KAZN: variants seen among roughly 807,000 people sequenced by gnomAD.
KAZN encodes kazrin, periplakin interacting protein.
A neutral mutation model predicts 87.4 loss-of-function variants in KAZN; 40 were observed. The observed-to-expected ratio is 0.46, with a 90% CI of 0.36 to 0.60. The LOEUF (loss-of-function observed/expected upper bound fraction) is 0.60, where lower values mean the gene tolerates loss of function less well. KAZN is among the 20% of genes least tolerant of loss of function. The pLI, the probability that KAZN is intolerant of heterozygous loss-of-function variation, is 0.00. For missense variants in KAZN, 898 were observed against 1,073.9 expected (o/e 0.84, Z 2.29); for synonymous variants, 466 against 458.3 (o/e 1.02, Z -0.22).
intron 2 of KAZN, among the ~76,000 whole-genome samples, chr1:14,306,709 A>G (rs914389077): frequency 9.9e-5 from 15 of 152,134 alleles, no homozygotes; most frequent in African/African-American, 3.6e-4. Flanking sequence ...TGAGCAGCCA[A>G]TCGCAGACCA....
intron 2 of KAZN, among the ~76,000 whole-genome samples, chr1:15,005,829 TG>T (rs1196045905): frequency 6.6e-6 from 1 of 151,922 alleles, no homozygotes; most frequent in East Asian, 1.9e-4. Flanking sequence ...AGGGCATTAG[TG>T]TTGGCATCTC....
chr1:13,973,440 T>G (rs1460005622), intron 1 of KAZN, among the ~76,000 whole-genome samples: 4 of 152,070 alleles, frequency 2.6e-5, no homozygotes, highest in African/African-American at 7.2e-5. Context: ...CAGAAGAGAG[T>G]GAGGTCAGAA....
intron 1 of KAZN, among the ~76,000 whole-genome samples, chr1:14,118,452 C>T (rs752605784): frequency 7.9e-5 from 12 of 152,166 alleles, no homozygotes; most frequent in Non-Finnish European, 1.6e-4. Context: ...CTGCATCCAA[C>T]TCTTTTACTT....
At chr1:14,460,370 C>G (rs546767536) in intron 2 of KAZN, among the ~76,000 whole-genome samples, 296 of 152,194 alleles carry the variant, frequency 1.9e-3, no homozygotes, top group Non-Finnish European at 2.6e-3. Context: ...CTGGCAGGCC[C>G]TACACACAGC....
chr1:15,043,522 GTC>G (rs953098577), intron 3 of KAZN, among the ~76,000 whole-genome samples: 7 of 151,786 alleles, frequency 4.6e-5, no homozygotes, highest in African/African-American at 1.7e-4. Flanking sequence ...TACTGGGTTC[GTC>G]TCTGTTCCAG....
intron 1 of KAZN, among the ~76,000 whole-genome samples, chr1:14,942,473 C>T (rs527564771): frequency 6.6e-6 from 1 of 152,346 alleles, no homozygotes; most frequent in Non-Finnish European, 1.5e-5. Flanking sequence ...AACGTTAACA[C>T]GCAGTGTTTC....
chr1:14,124,747 G>A (rs760078626), intron 1 of KAZN, among the ~76,000 whole-genome samples: 3 of 152,162 alleles, frequency 2.0e-5, no homozygotes, highest in African/African-American at 4.8e-5. Context: ...GCCCTCTTGC[G>A]GAATACTCAC....
intron 1 of KAZN, among the ~76,000 whole-genome samples, chr1:14,638,568 CAAAAAAAAAACAAA>C (rs1350761658): frequency 6.0e-5 from 3 of 50,226 alleles, no homozygotes; most frequent in East Asian, 4.9e-4. Flanking sequence ...GACTCCGTCT[CAAAAAAAAAACAAA>C]AAAAAAAAAA....
At chr1:13,960,711 C>A (rs960747086) in intron 1 of KAZN, among the ~76,000 whole-genome samples, 21 of 152,146 alleles carry the variant, frequency 1.4e-4, no homozygotes, top group Non-Finnish European at 2.6e-4. Flanking sequence ...TCCCAGGACA[C>A]GAGGAAGGAT....
intron 2 of KAZN, among the ~76,000 whole-genome samples, chr1:14,971,246 A>G (rs1664993824): frequency 6.6e-6 from 1 of 152,166 alleles, no homozygotes; most frequent in Non-Finnish European, 1.5e-5. Context: ...AAAAATACGA[A>G]AATTAGCCAG....
chr1:15,011,320 G>A (rs1280612040), intron 2 of KAZN, among the ~76,000 whole-genome samples: 1 of 152,214 alleles, frequency 6.6e-6, no homozygotes, highest in Admixed American at 6.5e-5. Context: ...GCTCCTGGCT[G>A]GATTGAATAA....
intron 4 of KAZN, among the ~76,000 whole-genome samples, chr1:15,046,542 G>A (rs10754879): frequency 0.45 from 68,255 of 152,004 alleles, 16,384 homozygotes; most frequent in Non-Finnish European, 0.53. Flanking sequence ...TGTGCTTTGT[G>A]GGGCTCTTGT....
At chr1:14,837,443 C>T (rs927713155) in intron 1 of KAZN, among the ~76,000 whole-genome samples, 1 of 152,178 alleles carries the variant, frequency 6.6e-6, no homozygotes, top group Non-Finnish European at 1.5e-5. Context: ...AGGTGATCTG[C>T]CTGCCTCAAC....
chr1:14,643,189 A>G (rs12038186), intron 1 of KAZN, among the ~76,000 whole-genome samples: 39,157 of 152,182 alleles, frequency 0.26, 5,234 homozygotes, highest in South Asian at 0.34. Context: ...TTTTAGGTTC[A>G]GAGGTACATG....
chr1:14,724,352 A>G (rs930542891), intron 1 of KAZN, among the ~76,000 whole-genome samples: 1 of 152,202 alleles, frequency 6.6e-6, no homozygotes, highest in Admixed American at 6.5e-5. Flanking sequence ...TCGATGCCTC[A>G]CTCCAGGGCA....
At chr1:14,655,775 C>T (rs1264326980) in intron 1 of KAZN, among the ~76,000 whole-genome samples, 2 of 152,144 alleles carry the variant, frequency 1.3e-5, no homozygotes, top group African/African-American at 2.4e-5. Flanking sequence ...CATGCTGCTA[C>T]GGGTCTAGGG....
intron 1 of KAZN, among the ~76,000 whole-genome samples, chr1:13,963,902 G>T (rs34456654): frequency 0.12 from 18,945 of 151,940 alleles, 1,347 homozygotes; most frequent in Middle Eastern, 0.22. Flanking sequence ...CCAATTGCCA[G>T]CTGTGCTATC....
chr1:14,649,720 A>G (rs895254862), intron 1 of KAZN, among the ~76,000 whole-genome samples: 1 of 152,178 alleles, frequency 6.6e-6, no homozygotes, highest in African/African-American at 2.4e-5. Context: ...GAGTTAGGGG[A>G]AAAAATGCAG....
chr1:14,342,183 T>A (rs1167728506), intron 2 of KAZN, among the ~76,000 whole-genome samples: 2 of 152,246 alleles, frequency 1.3e-5, no homozygotes, highest in African/African-American at 2.4e-5. Context: ...TGTGACTGTA[T>A]AGTAGTCATT....
Sources: gnomAD v4.1 joint callset for allele counts (sites outside exome capture counted in the v4.1 genomes callset) on GRCh38, gnomAD v4.1.1 for gene constraint, MANE v1.5 for transcripts, NCBI Gene and HGNC (gene_info 2026-07-23, HGNC 2026-07-21) for gene names.